TCF7L1: variants seen among roughly 807,000 people sequenced by gnomAD.
The protein encoded by TCF7L1 is transcription factor 7-like 1.
In TCF7L1, 18 loss-of-function variants were observed where a neutral mutation model predicts 63.7. That is an observed-to-expected ratio of 0.28 (90% CI 0.20 to 0.42). The LOEUF (loss-of-function observed/expected upper bound fraction) is 0.42. Among genes scored for constraint, TCF7L1 ranks in the 10% least tolerant of loss-of-function variants. The pLI is 1.00. For missense variants in TCF7L1, 654 were observed against 779.3 expected, an observed-to-expected ratio of 0.84 and a Z score of 1.91; for synonymous variants, 355 against 340.9, an observed-to-expected ratio of 1.04 and a Z score of -0.46.
rs766696410 is a variant in TCF7L1 at position 85,290,693 on chromosome 2, T to C, written c.525+7115T>C. ...CCAGGGAAACAGAACCAAGGTGATGTATGTATATATAGCGAGTGAGTGAGT... is the reference window on the plus strand; with the variant it reads ...CCAGGGAAACAGAACCAAGGTGATGCATGTATATATAGCGAGTGAGTGAGT... On this transcript the variant is annotated intron_variant, in intron 4 of 11. Transcript: ENST00000282111. Among the ~76,000 whole-genome samples the C allele has an allele frequency of 5.7e-4, 87 of 152,206 alleles. 2 individuals carry two copies. Among genetic ancestry groups the C allele is most frequent in the Non-Finnish European group, 1.2e-3 (79 of 68,034 alleles).
chr2:85,263,907 G>T (rs544652954), intron 3 of TCF7L1, among the ~76,000 whole-genome samples: 2 of 152,234 alleles, frequency 1.3e-5, no homozygotes, highest in Non-Finnish European at 2.9e-5. Flanking sequence ...AAGCTGAGGG[G>T]CCTCTTAGGA....
At chr2:85,269,401 C>T (rs150579333) in intron 3 of TCF7L1, among the ~76,000 whole-genome samples, 1,523 of 152,248 alleles carry the variant, frequency 0.01, 20 homozygotes, top group African/African-American at 0.035. Context: ...ATTGTGTATA[C>T]GTATATACAT....
chr2:85,234,030 C>T (rs538409967), intron 3 of TCF7L1: 2 of 151,586 alleles, frequency 1.3e-5, no homozygotes, highest in South Asian at 2.1e-4. Context: ...TAAATAGTCA[C>T]GTAAAGTTTT....
chr2:85,267,734 C>A (rs1260158448), intron 3 of TCF7L1, among the ~76,000 whole-genome samples: 1 of 152,008 alleles, frequency 6.6e-6, no homozygotes, highest in East Asian at 1.9e-4. Context: ...TTAATCCCTC[C>A]ATCTGTTAAA....
In TCF7L1 at chr2:85,134,152, C is replaced by T. The variant is rs756270487; in HGVS notation, c.313+73C>T. ...CCGCTGCTCAGCCCGGGCGGCCCACCGTCCCCCTTGCTTGGGTGGACGCAC... is the reference window on the plus strand; with the variant it reads ...CCGCTGCTCAGCCCGGGCGGCCCACTGTCCCCCTTGCTTGGGTGGACGCAC... On this transcript the variant is annotated intron_variant, in intron 2 of 11. Transcript: ENST00000282111. This position sits in a 1 kb window ranked among gnomAD's most constrained non-coding sequence, Gnocchi z 5.0. 1.4e-5 allele frequency: 22 copies of T among 1,569,346 alleles called. No homozygotes were observed. The highest frequency in any genetic ancestry group is 1.8e-5 in the Non-Finnish European group (21 of 1,155,504).
At chr2:85,152,562 G>A (rs974732012) in intron 3 of TCF7L1, among the ~76,000 whole-genome samples, 1 of 151,152 alleles carries the variant, frequency 6.6e-6, no homozygotes. Flanking sequence ...AGCCTCCCAA[G>A]TAGCTGAGAT....
chr2:85,240,628 A>AAG (rs1268606517), intron 3 of TCF7L1, among the ~76,000 whole-genome samples: 1 of 151,794 alleles, frequency 6.6e-6, no homozygotes, highest in African/African-American at 2.4e-5. Context: ...AAAAAAAAAA[A>AAG]AAAAATTAGC....
chr2:85,149,928 T>C (rs1677968684), intron 3 of TCF7L1, among the ~76,000 whole-genome samples: 1 of 152,222 alleles, frequency 6.6e-6, no homozygotes, highest in African/African-American at 2.4e-5. Context: ...CTATAGAGCA[T>C]ATTTGTGACT....
chr2:85,279,858 C>T (rs1681370120), intron 3 of TCF7L1, among the ~76,000 whole-genome samples: 1 of 152,132 alleles, frequency 6.6e-6, no homozygotes, highest in Non-Finnish European at 1.5e-5. Flanking sequence ...GGTCTTTTCC[C>T]TCACACTGCC....
At chr2:85,242,478 T>C (rs1573006521) in intron 3 of TCF7L1, among the ~76,000 whole-genome samples, 1 of 152,230 alleles carries the variant, frequency 6.6e-6, no homozygotes, top group Non-Finnish European at 1.5e-5. Context: ...CCACAGCCGT[T>C]ATGACAGCAT....
At chr2:85,179,060 C>T (rs1318403101) in intron 3 of TCF7L1, among the ~76,000 whole-genome samples, 2 of 152,208 alleles carry the variant, frequency 1.3e-5, no homozygotes, top group Non-Finnish European at 2.9e-5. Flanking sequence ...CTTCTCTCCA[C>T]CTCTGAGCTG....
intron 3 of TCF7L1, among the ~76,000 whole-genome samples, chr2:85,256,853 G>A (rs577717718): frequency 6.6e-6 from 1 of 152,034 alleles, no homozygotes; most frequent in East Asian, 1.9e-4. Context: ...TGTGGTGGCG[G>A]GCATCTGTAA....
chr2:85,286,610 C>T (rs1681563873), intron 4 of TCF7L1, among the ~76,000 whole-genome samples: 2 of 152,110 alleles, frequency 1.3e-5, no homozygotes, highest in African/African-American at 4.8e-5. Context: ...ATTCTCCTGC[C>T]TCAGCCTTCC....
chr2:85,260,700 C>T (rs374025926), intron 3 of TCF7L1, among the ~76,000 whole-genome samples: 2 of 151,658 alleles, frequency 1.3e-5, no homozygotes, highest in African/African-American at 2.4e-5. Context: ...TTTGTTAACC[C>T]GTGTGAAAGA....
chr2:85,285,916 G>C (rs1681536258), intron 4 of TCF7L1, among the ~76,000 whole-genome samples: 1 of 152,206 alleles, frequency 6.6e-6, no homozygotes, highest in Admixed American at 6.5e-5. Flanking sequence ...ATGAGGCCGG[G>C]CGTGGTGGCT....
chr2:85,267,817 A>AG (rs1681014704), intron 3 of TCF7L1, among the ~76,000 whole-genome samples: 1 of 152,224 alleles, frequency 6.6e-6, no homozygotes, highest in South Asian at 2.1e-4. Flanking sequence ...ATCTGGCACA[A>AG]GGTAACGCAT....
intron 3 of TCF7L1, among the ~76,000 whole-genome samples, chr2:85,189,731 T>C (rs1198741864): frequency 6.6e-6 from 1 of 152,188 alleles, no homozygotes; most frequent in Non-Finnish European, 1.5e-5. Context: ...TCAGCTCCTG[T>C]CCATCAGGCT....
chr2:85,271,856 A>G (rs1681159446), intron 3 of TCF7L1, among the ~76,000 whole-genome samples: 1 of 152,206 alleles, frequency 6.6e-6, no homozygotes, highest in Non-Finnish European at 1.5e-5. Flanking sequence ...TTTTAGAAAG[A>G]TATTTCTAGA....
intron 3 of TCF7L1, among the ~76,000 whole-genome samples, chr2:85,202,983 G>GCCA (rs540520589): frequency 1.3e-3 from 197 of 152,122 alleles, no homozygotes; most frequent in Non-Finnish European, 2.5e-3. Flanking sequence ...ACAGGCACCC[G>GCCA]CCACCACGCC....
Sources: gnomAD v4.1 joint callset for allele counts (sites outside exome capture counted in the v4.1 genomes callset) on GRCh38, gnomAD v4.1.1 for gene constraint, Gnocchi (gnomAD v3.1) non-coding constraint, MANE v1.5 for transcripts, NCBI Gene and HGNC (gene_info 2026-07-23, HGNC 2026-07-21) for gene names.